The following USP53 variants were observed in gnomAD, a reference collection of about 807,000 sequenced individuals.
USP53 encodes the protein ubiquitin carboxyl-terminal hydrolase 53.
A neutral mutation model predicts 94.9 loss-of-function variants in USP53; 71 were observed. The observed-to-expected ratio is 0.75, with a 90% CI of 0.62 to 0.91. The LOEUF (loss-of-function observed/expected upper bound fraction) is 0.91. Ranked by LOEUF, USP53 falls within the 40% of genes least tolerant of loss-of-function variation. The pLI, the probability that USP53 is intolerant of heterozygous loss-of-function variation, is 0.00. For missense variants in USP53, 1,173 were observed against 1,281.0 expected, an observed-to-expected ratio of 0.92 and a Z score of 1.29; for synonymous variants, 375 against 422.7, an observed-to-expected ratio of 0.89 and a Z score of 1.39.
intron 3 of USP53, chr4:119,218,811 C>T (rs2149259985): frequency 6.6e-6 from 1 of 151,822 alleles, no homozygotes; most frequent in East Asian, 1.9e-4. Context: ...TGGTATAACT[C>T]TTCTGTTTGC....
intron 3 of USP53, among the ~76,000 whole-genome samples, chr4:119,231,197 C>T (rs775536635): frequency 1.3e-5 from 2 of 152,122 alleles, no homozygotes; most frequent in Non-Finnish European, 2.9e-5. Context: ...AAAGTGGATG[C>T]AGAGGTAACA....
intron 7 of USP53, among the ~76,000 whole-genome samples, chr4:119,249,586 C>G (rs533565082): frequency 3.1e-4 from 47 of 151,920 alleles, no homozygotes; most frequent in African/African-American, 1.1e-3. Flanking sequence ...TATTAATTCC[C>G]TACCACAACT....
At chr4:119,273,580 A>G in intron 16 of USP53, 52 bp from the exon 17 acceptor site, 1 of 1,437,748 alleles carries the variant, frequency 7.0e-7, no homozygotes. Flanking sequence ...TTTAGACTAA[A>G]CAAAGGCAGT....
chr4:119,220,234 A>G (rs988385175), intron 3 of USP53: 2 of 152,130 alleles, frequency 1.3e-5, no homozygotes, highest in African/African-American at 2.4e-5. Flanking sequence ...TTTTCCTTGT[A>G]TGCTCTTCTA....
intron 7 of USP53, among the ~76,000 whole-genome samples, chr4:119,249,194 A>G (rs548926899): frequency 1.3e-5 from 2 of 152,314 alleles, no homozygotes; most frequent in South Asian, 2.1e-4. Flanking sequence ...TTCTGCCACT[A>G]TAGGGACCAC....
At chr4:119,223,681 G>A (rs1267270356) in intron 3 of USP53, among the ~76,000 whole-genome samples, 1 of 152,116 alleles carries the variant, frequency 6.6e-6, no homozygotes, top group Non-Finnish European at 1.5e-5. Flanking sequence ...ATTGCTACCA[G>A]GGTAATCTTA....
At chr4:119,265,448 T>A (rs1750997779) in intron 12 of USP53, among the ~76,000 whole-genome samples, 1 of 152,172 alleles carries the variant, frequency 6.6e-6, no homozygotes, top group South Asian at 2.1e-4. Flanking sequence ...TGAAGTTTTT[T>A]ATTTTATATT....
At chr4:119,223,995 T>G (rs1182674456) in intron 3 of USP53, among the ~76,000 whole-genome samples, 1 of 152,180 alleles carries the variant, frequency 6.6e-6, no homozygotes, top group Non-Finnish European at 1.5e-5. Flanking sequence ...TAAATATTTT[T>G]TATGTATTTT....
At chr4:119,261,406 A>G (rs1163377000) in intron 11 of USP53, among the ~76,000 whole-genome samples, 1 of 152,238 alleles carries the variant, frequency 6.6e-6, no homozygotes, top group African/African-American at 2.4e-5. Flanking sequence ...AGAAATGTGG[A>G]ATTTATCTCA....
chr4:119,278,424 T>C (rs1285917646), intron 17 of USP53, among the ~76,000 whole-genome samples: 2 of 145,682 alleles, frequency 1.4e-5, no homozygotes, highest in East Asian at 4.1e-4. Context: ...TGTTGAATAT[T>C]GGCCCCCACT....
chr4:119,218,598 C>G (rs941971564), intron 3 of USP53: 1 of 152,036 alleles, frequency 6.6e-6, no homozygotes, highest in Non-Finnish European at 1.5e-5. Flanking sequence ...TATAAATTTT[C>G]TACTGTAGTC....
chr4:119,232,626 A>G (rs1416402500), intron 3 of USP53, among the ~76,000 whole-genome samples: 2 of 152,178 alleles, frequency 1.3e-5, no homozygotes, highest in African/African-American at 2.4e-5. Context: ...CCTCCCAAAT[A>G]TTTATTGAGA....
chr4:119,254,935 T>A (rs1749550462), intron 7 of USP53, among the ~76,000 whole-genome samples: 1 of 152,230 alleles, frequency 6.6e-6, no homozygotes, highest in African/African-American at 2.4e-5. Context: ...TTGATGTTGA[T>A]GCTATTCCTT....
rs750942331 is a variant in USP53, at chr4:119,293,151, T to C, written c.3162T>C (p.His1054=). 4 of 1,612,812 alleles carry C rather than the reference T, an allele frequency of 2.5e-6. No individual in the cohort carries two copies. The East Asian group carries it at 8.9e-5, about 36-fold the overall frequency. Residue 1054 remains histidine (H), a synonymous_variant, in exon 19 of 19, where the codon CAT becomes CAC. Transcript: ENST00000692078. Reference sequence around the variant, plus strand: ...CGGATACATATAGATTGAAATACCATCAGAGGCCCAAGCTCTCTTTTCCAG... The same window carrying C: ...CGGATACATATAGATTGAAATACCACCAGAGGCCCAAGCTCTCTTTTCCAG... ...CMTDTYRLKY[H]QRPKLSFPES...
Position 119,248,729 on chromosome 4 carries a change from T to C in USP53, c.238-19T>C. ...TTAAAGCTGGCATTAAACTTACTGA[T>C]TTTCTTGTCGATTCCCAGACGATAT... On this transcript the variant is annotated intron_variant, in intron 6 of 18. Transcript: ENST00000692078. 6.2e-7 allele frequency: 1 copy of C among 1,606,278 alleles called. No individual in the cohort carries two copies. Among genetic ancestry groups the C allele is most frequent in the Non-Finnish European group, 8.5e-7 (1 of 1,176,486 alleles).
chr4:119,267,407 A>G lies in USP53; in HGVS notation c.1060A>G (p.Thr354Ala), dbSNP rs772522045. The G allele has an allele frequency of 1.2e-5, 19 of 1,614,050 alleles. No individual in the cohort carries two copies. Among genetic ancestry groups the G allele is most frequent in the Non-Finnish European group, 1.6e-5 (19 of 1,180,036 alleles). The part of the protein sequence containing the change: ...LLLFYANPDG[T>A]AVSTEDALRQ... ...TTTGTTTTATGCAAACCCAGATGGC[A>G]CAGCAGTTTCTACTGAGGATGCACT... is the stretch of plus-strand genomic sequence containing the variant. Residue 354 changes from threonine (T) to alanine (A), a missense_variant, in exon 13 of 19, where the codon ACA (threonine) becomes GCA (alanine). Physicochemically the swap from Thr to Ala is moderately conservative, Grantham distance 58. Coordinates refer to ENST00000692078, the MANE Select transcript of USP53 (RefSeq NM_001371395.1).
At position 119,248,827 on chromosome 4, in the gene USP53, T is replaced by G. The variant is rs1271489971; in HGVS notation, c.317T>G (p.Phe106Cys). The stretch of plus-strand genomic sequence containing the variant: ...ATAAGGCATGCTCTTGCAGAAAGTT[T>G]CAAAGATGAGCAGCGATTTCAACTT... ...DNIRHALAES[F>C]KDEQRFQLGL... Residue 106 changes from phenylalanine (F) to cysteine (C), a missense_variant, in exon 7 of 19, where the codon TTC becomes TGC. Coordinates refer to ENST00000692078, the MANE Select transcript of USP53 (RefSeq NM_001371395.1). The G allele has an allele frequency of 6.2e-6, 10 of 1,614,134 alleles. No homozygotes were observed. The highest frequency in any genetic ancestry group is 8.5e-6 in the Non-Finnish European group (10 of 1,180,024).
Position 119,222,860 on chromosome 4 carries a change from T to C in USP53, c.-665+5187T>C, listed in dbSNP as rs191073414. On this transcript the variant is annotated intron_variant, in intron 3 of 18. Transcript: ENST00000692078. ...TTGCTCTTTTTTCTCCTGGAACACA[T>C]GTAATACAAAAAATAATAAATATAT... Among the ~76,000 whole-genome samples, 8 of 143,066 alleles carry C rather than the reference T, an allele frequency of 5.6e-5. No individual in the cohort carries two copies. In the East Asian group the frequency reaches 1.6e-3, roughly 29 times the overall value. The allele number at this position is 143,066 out of a possible 152,430, so 93.9% of individuals were successfully genotyped here.
chr4:119,231,715 G>T (rs1309156107), intron 3 of USP53, among the ~76,000 whole-genome samples: 1 of 152,112 alleles, frequency 6.6e-6, no homozygotes, highest in Admixed American at 6.5e-5. Context: ...GGAGCCGGAG[G>T]TGAAGTCAGG....
Sources: allele counts gnomAD v4.1 joint callset (sites outside exome capture counted in the v4.1 genomes callset), GRCh38; gene constraint gnomAD v4.1.1; transcripts MANE v1.5; gene names NCBI Gene and HGNC (gene_info 2026-07-23, HGNC 2026-07-21).